Variants in WWOX observed in about 807,000 individuals in gnomAD.
WWOX encodes the protein WW domain containing oxidoreductase, also known as WW domain-containing oxidoreductase.
WWOX carries 69 observed loss-of-function variants against 46.2 expected under a neutral mutation model. The ratio of observed to expected loss-of-function variants is 1.49; its 90% CI spans 1.23 to 1.82. WWOX has a LOEUF of 1.82. Ranked by LOEUF, WWOX falls within the 40% of genes most tolerant of loss-of-function variation. WWOX has a pLI of 0.00. For missense variants in WWOX, 919 were observed against 542.6 expected (o/e 1.69, Z -6.89); for synonymous variants, 359 against 202.6 (o/e 1.77, Z -6.56).
chr16:78,747,700 A>T (rs2049381098), intron 8 of WWOX, among the ~76,000 whole-genome samples: 1 of 152,122 alleles, frequency 6.6e-6, no homozygotes, highest in Non-Finnish European at 1.5e-5. Flanking sequence ...TGTTTCCTCG[A>T]TTACTGTCTG....
intron 8 of WWOX, among the ~76,000 whole-genome samples, chr16:78,477,549 G>C (rs1317640466): frequency 1.3e-5 from 2 of 152,124 alleles, no homozygotes; most frequent in Non-Finnish European, 2.9e-5. Context: ...TATAGCTTGT[G>C]TGATAGGATT....
chr16:78,580,196 C>A (rs904954805), intron 8 of WWOX, among the ~76,000 whole-genome samples: 7 of 152,006 alleles, frequency 4.6e-5, no homozygotes, highest in African/African-American at 1.7e-4. Flanking sequence ...GCCTCAGCCT[C>A]TTGAGTAGGT....
intron 8 of WWOX, chr16:78,496,127 C>A (rs568863773): frequency 1.3e-5 from 2 of 152,284 alleles, no homozygotes; most frequent in Non-Finnish European, 2.9e-5. Flanking sequence ...TGCCCTCATT[C>A]CCCATACACC....
chr16:78,512,241 T>G (rs957620355), intron 8 of WWOX, among the ~76,000 whole-genome samples: 3 of 152,200 alleles, frequency 2.0e-5, no homozygotes, highest in African/African-American at 7.2e-5. Context: ...ATATTTAATA[T>G]TATCAATTGC....
intron 8 of WWOX, among the ~76,000 whole-genome samples, chr16:78,629,987 A>C (rs866449254): frequency 6.6e-6 from 1 of 152,050 alleles, no homozygotes; most frequent in East Asian, 1.9e-4. Context: ...TGTCCTCCCC[A>C]CTTCTCTTCC....
At chr16:78,772,399 T>A (rs1402801097) in intron 8 of WWOX, among the ~76,000 whole-genome samples, 1 of 152,210 alleles carries the variant, frequency 6.6e-6, no homozygotes, top group Admixed American at 6.5e-5. Flanking sequence ...TGCATAGTAT[T>A]CCATGGTGTA....
chr16:78,760,771 T>A (rs988739591), intron 8 of WWOX, among the ~76,000 whole-genome samples: 1 of 152,188 alleles, frequency 6.6e-6, no homozygotes, highest in Non-Finnish European at 1.5e-5. Context: ...ACAGGCTGCA[T>A]TAGTCTGTTT....
At chr16:79,200,863 G>A (rs904476408) in intron 8 of WWOX, among the ~76,000 whole-genome samples, 1 of 152,094 alleles carries the variant, frequency 6.6e-6, no homozygotes, top group Non-Finnish European at 1.5e-5. Flanking sequence ...CTATACGGCA[G>A]GCCCAAAAAA....
intron 4 of WWOX, among the ~76,000 whole-genome samples, chr16:78,147,151 C>CTT (rs35026859): frequency 2.7e-5 from 4 of 149,780 alleles, no homozygotes; most frequent in African/African-American, 7.4e-5. Flanking sequence ...ATCAGAGATA[C>CTT]TTTTTTTTTT....
intron 8 of WWOX, among the ~76,000 whole-genome samples, chr16:79,146,133 A>T (rs1158242178): frequency 6.6e-6 from 1 of 152,216 alleles, no homozygotes; most frequent in African/African-American, 2.4e-5. Flanking sequence ...GCATTTTTCA[A>T]GGAAGGAAGT....
At chr16:78,485,779 A>G (rs879172674) in intron 8 of WWOX, among the ~76,000 whole-genome samples, 2 of 152,206 alleles carry the variant, frequency 1.3e-5, no homozygotes, top group South Asian at 2.1e-4. Flanking sequence ...TCTCCCCAGC[A>G]TGGGGCTTCA....
chr16:78,270,677 A>G (rs1217090666), intron 5 of WWOX: 1 of 152,194 alleles, frequency 6.6e-6, no homozygotes, highest in African/African-American at 2.4e-5. Flanking sequence ...ATTAACTTAC[A>G]AGGAAGAGGG....
chr16:79,207,677 C>T (rs1032518267), intron 8 of WWOX, among the ~76,000 whole-genome samples: 1 of 152,146 alleles, frequency 6.6e-6, no homozygotes, highest in Non-Finnish European at 1.5e-5. Context: ...TTTAAATGAG[C>T]ATGCATTTTA....
chr16:78,123,801 C>G (rs2033239373), intron 4 of WWOX: 1 of 152,038 alleles, frequency 6.6e-6, no homozygotes, highest in Non-Finnish European at 1.5e-5. Flanking sequence ...CCCCCTGCTA[C>G]AAGCCTTACC....
intron 4 of WWOX, among the ~76,000 whole-genome samples, chr16:78,131,331 C>T (rs2033585014): frequency 6.6e-6 from 1 of 152,196 alleles, no homozygotes; most frequent in South Asian, 2.1e-4. Flanking sequence ...CTCACCTCAG[C>T]CTCCTGAGTA....
chr16:78,905,423 C>T (rs1021123061), intron 8 of WWOX, among the ~76,000 whole-genome samples: 11 of 152,320 alleles, frequency 7.2e-5, no homozygotes, highest in South Asian at 2.1e-4. Context: ...CTCTGTCAGC[C>T]AGGCTGGAGT....
intron 8 of WWOX, among the ~76,000 whole-genome samples, chr16:79,068,109 C>G (rs569788160): frequency 6.6e-6 from 1 of 152,264 alleles, no homozygotes; most frequent in South Asian, 2.1e-4. Flanking sequence ...CCGGAAGATC[C>G]CTAACCCATT....
intron 8 of WWOX, among the ~76,000 whole-genome samples, chr16:78,449,232 C>A (rs973486614): frequency 6.6e-6 from 1 of 152,138 alleles, no homozygotes; most frequent in African/African-American, 2.4e-5. Flanking sequence ...TTTATCGAAG[C>A]ATGTAAGCCA....
chr16:79,036,962 C>G (rs1472175654), intron 8 of WWOX, among the ~76,000 whole-genome samples: 28 of 152,188 alleles, frequency 1.8e-4, no homozygotes, highest in Admixed American at 1.8e-3. Flanking sequence ...CTCCATTTAG[C>G]CACACAAAAG....
Sources: gnomAD v4.1 joint callset for allele counts (sites outside exome capture counted in the v4.1 genomes callset) on GRCh38, gnomAD v4.1.1 for gene constraint, MANE v1.5 for transcripts, NCBI Gene and HGNC (gene_info 2026-07-23, HGNC 2026-07-21) for gene names.